FARS2: variants seen among roughly 807,000 people sequenced by gnomAD.
The protein encoded by FARS2 is phenylalanyl-tRNA synthetase 2, mitochondrial.
In FARS2, 40 loss-of-function variants were observed where a neutral mutation model predicts 46.4. That is an observed-to-expected ratio of 0.86 (90% CI 0.67 to 1.12). The LOEUF (loss-of-function observed/expected upper bound fraction) is 1.12, where lower values mean the gene tolerates loss of function less well. Ranked by LOEUF, FARS2 falls within the 50% of genes most tolerant of loss-of-function variation. FARS2 has a pLI of 0.00. For missense variants in FARS2, 513 were observed against 567.9 expected, an observed-to-expected ratio of 0.90 and a Z score of 0.98; for synonymous variants, 234 against 214.9, an observed-to-expected ratio of 1.09 and a Z score of -0.78.
At chr6:5,297,920 C>G (rs906273756) in intron 1 of FARS2, among the ~76,000 whole-genome samples, 2 of 152,156 alleles carry the variant, frequency 1.3e-5, no homozygotes, top group Non-Finnish European at 2.9e-5. Flanking sequence ...TCCACTCTAC[C>G]CATTCCCATC....
chr6:5,647,107 C>G (rs1777118454), intron 6 of FARS2, among the ~76,000 whole-genome samples: 1 of 152,152 alleles, frequency 6.6e-6, no homozygotes, highest in Non-Finnish European at 1.5e-5. Flanking sequence ...GTGTTCCTCA[C>G]CAACGGTAAA....
chr6:5,704,815 A>G (rs753431108), intron 6 of FARS2, among the ~76,000 whole-genome samples: 1 of 152,242 alleles, frequency 6.6e-6, no homozygotes, highest in African/African-American at 2.4e-5. Context: ...ACTTATTTGC[A>G]CTGCAGAGGC....
At chr6:5,329,190 T>A (rs1770615856) in intron 1 of FARS2, among the ~76,000 whole-genome samples, 1 of 151,752 alleles carries the variant, frequency 6.6e-6, no homozygotes, top group Non-Finnish European at 1.5e-5. Context: ...TTGGAGGCAA[T>A]CCTTATTTAC....
chr6:5,438,240 CCCCCCG>C (rs1195175647), intron 4 of FARS2, among the ~76,000 whole-genome samples: 42 of 10,516 alleles, frequency 4.0e-3, no homozygotes, highest in African/African-American at 7.6e-3. Context: ...CTTCTACCCA[CCCCCCG>C]CCCCCCCCCC....
At chr6:5,433,836 G>A (rs984095102) in intron 4 of FARS2, among the ~76,000 whole-genome samples, 14 of 152,308 alleles carry the variant, frequency 9.2e-5, no homozygotes, top group African/African-American at 2.6e-4. Flanking sequence ...TTGGAATTGC[G>A]CTTCCTTGCA....
chr6:5,706,017 C>T (rs1054306877), intron 6 of FARS2, among the ~76,000 whole-genome samples: 2 of 152,200 alleles, frequency 1.3e-5, no homozygotes, highest in African/African-American at 4.8e-5. Context: ...ACGTTTTTGG[C>T]AGCAGGGACC....
chr6:5,620,213 C>T (rs1234896028), intron 6 of FARS2, among the ~76,000 whole-genome samples: 1 of 152,126 alleles, frequency 6.6e-6, no homozygotes, highest in Non-Finnish European at 1.5e-5. Context: ...CGCACAGACA[C>T]ACACATACAC....
chr6:5,299,508 T>G (rs532698618), intron 1 of FARS2, among the ~76,000 whole-genome samples: 35 of 152,328 alleles, frequency 2.3e-4, no homozygotes, highest in African/African-American at 7.7e-4. Context: ...GGCTTTAAGC[T>G]TATTCGGTTG....
intron 5 of FARS2, among the ~76,000 whole-genome samples, chr6:5,566,722 G>A (rs746931786): frequency 5.3e-5 from 8 of 152,182 alleles, no homozygotes; most frequent in Admixed American, 2.0e-4. Flanking sequence ...TCTACTTTTA[G>A]TTAAGCTGGG....
At chr6:5,510,621 C>T (rs529141321) in intron 4 of FARS2, among the ~76,000 whole-genome samples, 1 of 152,210 alleles carries the variant, frequency 6.6e-6, no homozygotes, top group Non-Finnish European at 1.5e-5. Context: ...CTCATCTTTG[C>T]AGCCCCTGGA....
chr6:5,653,241 T>A (rs1055756510), intron 6 of FARS2, among the ~76,000 whole-genome samples: 7 of 152,194 alleles, frequency 4.6e-5, no homozygotes, highest in African/African-American at 1.7e-4. Flanking sequence ...TACTGAAGTA[T>A]CCTCTTATTA....
intron 6 of FARS2, among the ~76,000 whole-genome samples, chr6:5,621,415 AATAAC>A (rs1775771552): frequency 6.6e-6 from 1 of 152,142 alleles, no homozygotes; most frequent in East Asian, 1.9e-4. Context: ...TATGGAGCTA[AATAAC>A]ATGCGAAAAG....
chr6:5,305,839 G>A (rs574992835), intron 1 of FARS2, among the ~76,000 whole-genome samples: 1 of 152,220 alleles, frequency 6.6e-6, no homozygotes, highest in Non-Finnish European at 1.5e-5. Flanking sequence ...TTAGGAATGA[G>A]TTTAGAGATT....
At chr6:5,638,974 G>C (rs1290276248) in intron 6 of FARS2, among the ~76,000 whole-genome samples, 9 of 152,190 alleles carry the variant, frequency 5.9e-5, no homozygotes, top group Admixed American at 2.0e-4. Flanking sequence ...ACTCATAACT[G>C]ACTAGCAACT....
intron 6 of FARS2, among the ~76,000 whole-genome samples, chr6:5,636,099 GT>G (rs915892025): frequency 6.7e-5 from 10 of 148,602 alleles, no homozygotes; most frequent in African/African-American, 2.0e-4. Context: ...ATAGGGTTTT[GT>G]TTTTTTTTTA....
intron 4 of FARS2, among the ~76,000 whole-genome samples, chr6:5,473,553 A>AAAC (rs1765935972): frequency 4.0e-5 from 6 of 149,830 alleles, no homozygotes; most frequent in African/African-American, 7.4e-5. Flanking sequence ...AACAAAAAAA[A>AAAC]AAAACAAAAG....
intron 1 of FARS2, among the ~76,000 whole-genome samples, chr6:5,360,881 C>T (rs962799050): frequency 2.6e-5 from 4 of 152,144 alleles, no homozygotes; most frequent in Non-Finnish European, 5.9e-5. Flanking sequence ...GTATTCAAGA[C>T]ATTTTTAGTG....
At chr6:5,378,534 T>G (rs1488707351) in intron 2 of FARS2, among the ~76,000 whole-genome samples, 1 of 152,246 alleles carries the variant, frequency 6.6e-6, no homozygotes, top group African/African-American at 2.4e-5. Context: ...ACTCTTGTAG[T>G]GAGCCCATGG....
intron 6 of FARS2, among the ~76,000 whole-genome samples, chr6:5,720,194 A>C (rs929800745): frequency 3.9e-5 from 6 of 152,172 alleles, no homozygotes; most frequent in Non-Finnish European, 5.9e-5. Flanking sequence ...TTTTATCTTG[A>C]TGTAGGCACT....
Sources: allele counts gnomAD v4.1 joint callset (sites outside exome capture counted in the v4.1 genomes callset), GRCh38; gene constraint gnomAD v4.1.1; transcripts MANE v1.5; gene names NCBI Gene and HGNC (gene_info 2026-07-23, HGNC 2026-07-21).